The following SULT2A1 variants were observed in gnomAD, a reference collection of about 807,000 sequenced individuals.
The protein encoded by SULT2A1 is sulfotransferase 2A1.
In SULT2A1, 43 loss-of-function variants were observed where a neutral mutation model predicts 33.9. That is an observed-to-expected ratio of 1.27 (90% CI 1.00 to 1.64). The LOEUF (loss-of-function observed/expected upper bound fraction) is 1.64. Ranked by LOEUF, SULT2A1 falls within the 40% of genes most tolerant of loss-of-function variation. SULT2A1 has a pLI of 0.00. For synonymous variants in SULT2A1, 125 were observed against 113.6 expected (o/e 1.10, Z -0.64); for missense variants, 300 against 335.1 (o/e 0.90, Z 0.82).
In SULT2A1 at chr19:47,879,644, C is replaced by T. The variant is rs534463799; in HGVS notation, c.473-514G>A. Among the ~76,000 whole-genome samples, 22 of 152,032 alleles carry T rather than the reference C, an allele frequency of 1.4e-4. 1 individual carries two copies. Among genetic ancestry groups the T allele is most frequent in the Admixed American group, 4.6e-4 (7 of 15,244 alleles). On this transcript the variant is annotated intron_variant, in intron 3 of 5. Transcript: ENST00000222002. ...ATCCTTTGTAGGGACATGGATGAAG[C>T]GGGAAACCATCATTCTGAGCAAACT...
At chr19:47,875,629 C>A (rs1254722569) in intron 4 of SULT2A1, among the ~76,000 whole-genome samples, 1 of 152,004 alleles carries the variant, frequency 6.6e-6, no homozygotes, top group Admixed American at 6.6e-5. Context: ...TGGAGTGAGA[C>A]CCTGTCTCAA....
In SULT2A1 at chr19:47,886,137, T is replaced by C. The variant is rs762746830; in HGVS notation, c.121A>G (p.Thr41Ala). The change falls in exon 1 of 6, where the codon ACT (threonine) becomes GCT (alanine). Residue 41 changes from threonine (T) to alanine (A), a missense_variant. Physicochemically the swap from Thr to Ala is moderately conservative, Grantham distance 58. Coordinates refer to ENST00000222002, the MANE Select transcript of SULT2A1 (RefSeq NM_003167.4). ...GCCTCCTTACCTGATTTGGGGTAAG[T>C]CAATATTATTACATCTTCATCCCTT... Reference protein sequence around the residue: ...VIRDEDVIILTYPKSGTNWLA... With the variant: ...VIRDEDVIILAYPKSGTNWLA... The C allele has an allele frequency of 6.2e-7, 1 of 1,614,030 alleles. No homozygotes were observed. The highest frequency in any genetic ancestry group is 1.7e-5 in the Admixed American group (1 of 59,992).
intron 2 of SULT2A1, among the ~76,000 whole-genome samples, chr19:47,882,713 G>A (rs1050883926): frequency 2.6e-5 from 4 of 151,734 alleles, no homozygotes; most frequent in Middle Eastern, 3.2e-3. Context: ...TCAGGAGTTC[G>A]AGACCAGCCT....
chr19:47,871,850 T>A (rs920586598), intron 5 of SULT2A1, among the ~76,000 whole-genome samples: 3 of 152,182 alleles, frequency 2.0e-5, no homozygotes, highest in Non-Finnish European at 4.4e-5. Context: ...TTCTACCACG[T>A]TGACTCAAGC....
At chr19:47,877,474 A>G (rs1162671700) in intron 4 of SULT2A1, among the ~76,000 whole-genome samples, 2 of 151,738 alleles carry the variant, frequency 1.3e-5, no homozygotes, top group African/African-American at 4.8e-5. Flanking sequence ...TCCTGACCTC[A>G]AGTGATCCCC....
At chr19:47,885,276 A>C (rs1035909475) in intron 1 of SULT2A1, among the ~76,000 whole-genome samples, 2 of 152,182 alleles carry the variant, frequency 1.3e-5, no homozygotes, top group African/African-American at 4.8e-5. Context: ...GGCAGCCGCC[A>C]GTGTACTTTC....
intron 2 of SULT2A1, 51 bp from the exon 3 acceptor site, chr19:47,882,261 CT>C (rs2076326290): frequency 6.4e-7 from 1 of 1,569,606 alleles, no homozygotes; most frequent in Non-Finnish European, 8.6e-7. Flanking sequence ...AATCCTCACT[CT>C]TTTTGATCTT....
At chr19:47,879,225 A>G in intron 3 of SULT2A1, 95 bp from the exon 4 acceptor site, 2 of 744,000 alleles carry the variant, frequency 2.7e-6, no homozygotes, top group South Asian at 3.0e-5. Context: ...TTGTTAACGT[A>G]TGATTGACAA....
At chr19:47,874,160 C>G (rs760934999) in intron 5 of SULT2A1, among the ~76,000 whole-genome samples, 3 of 152,140 alleles carry the variant, frequency 2.0e-5, no homozygotes, top group Non-Finnish European at 2.9e-5. Flanking sequence ...CCAATTTTCC[C>G]CACCCACCTA....
chr19:47,878,661 C>T (rs1459098336), intron 4 of SULT2A1, among the ~76,000 whole-genome samples: 10 of 151,686 alleles, frequency 6.6e-5, no homozygotes, highest in East Asian at 1.9e-4. Context: ...GGATTACAGG[C>T]GCTCGCCACT....
intron 3 of SULT2A1, 37 bp from the exon 4 acceptor site, chr19:47,879,167 T>G (rs1350456549): frequency 7.9e-7 from 1 of 1,258,202 alleles, no homozygotes; most frequent in Non-Finnish European, 1.2e-6. Context: ...AGGTTACAAA[T>G]TTTATGAGAG....
At position 47,871,280 on chromosome 19, in the gene SULT2A1, G is replaced by A. The variant is rs959584245; in HGVS notation, c.*175C>T. ...GCTGGGATTACAGGCATGAACCACC[G>A]TGCCTGGCCAACCCTGGTAACTTTT... On this transcript the variant is annotated 3_prime_UTR_variant, in exon 6 of 6. Transcript: ENST00000222002. The A allele has an allele frequency of 2.0e-5, 12 of 588,780 alleles. No homozygotes were observed. The highest frequency in any genetic ancestry group is 2.1e-5 in the Non-Finnish European group (7 of 333,786). 36.5% of individuals were successfully genotyped at this position (588,780 alleles called of 1,614,324 possible).
chr19:47,883,522 C>T, intron 2 of SULT2A1, 55 bp downstream of exon 2: 2 of 1,525,572 alleles, frequency 1.3e-6, no homozygotes, highest in Non-Finnish European at 1.8e-6. Context: ...GACTTATAGG[C>T]ATATCAGTGT....
chr19:47,886,201 T>C lies in SULT2A1; in HGVS notation c.57A>G (p.Arg19=). Residue 19 remains arginine (R), a synonymous_variant, in exon 1 of 6, where the codon AGA becomes AGG. Transcript: ENST00000222002. The part of the protein sequence containing the change: ...EGIAFPTMGF[R]SETLRKVRDE... Reference sequence around the variant, plus strand: ...CACGTACTTTTCTTAAGGTTTCGGATCTGAAACCCATAGTAGGGAAAGCTA... The same window carrying C: ...CACGTACTTTTCTTAAGGTTTCGGACCTGAAACCCATAGTAGGGAAAGCTA... The C allele has an allele frequency of 6.2e-7, 1 of 1,614,154 alleles. No individual in the cohort carries two copies. Among genetic ancestry groups the C allele is most frequent in the Non-Finnish European group, 8.5e-7 (1 of 1,180,036 alleles).
At chr19:47,872,420 C>T (rs990286559) in intron 5 of SULT2A1, among the ~76,000 whole-genome samples, 1 of 152,116 alleles carries the variant, frequency 6.6e-6, no homozygotes, top group African/African-American at 2.4e-5. Flanking sequence ...CTACCCTCTC[C>T]GTCACTCTAC....
chr19:47,879,864 A>C (rs1968585116), intron 3 of SULT2A1, among the ~76,000 whole-genome samples: 1 of 151,748 alleles, frequency 6.6e-6, no homozygotes, highest in Non-Finnish European at 1.5e-5. Flanking sequence ...CCAACATAGC[A>C]CATGTATACA....
rs1197393920 is a variant in SULT2A1, at chr19:47,874,643, G to A, written c.745+14C>T. On this transcript the variant is annotated intron_variant, in intron 5 of 5. Transcript: ENST00000222002. ...TATTCTGGTATATTTGGAAACCAGA[G>A]GATTTTCTTTTACCTTTTCTCAGAA... is the stretch of plus-strand genomic sequence containing the variant. The A allele has an allele frequency of 2.5e-6, 4 of 1,609,540 alleles. No individual in the cohort carries two copies. Among genetic ancestry groups the A allele is most frequent in the Admixed American group, 1.7e-5 (1 of 59,340 alleles).
At chr19:47,878,492 A>G (rs1968569379) in intron 4 of SULT2A1, among the ~76,000 whole-genome samples, 1 of 145,004 alleles carries the variant, frequency 6.9e-6, no homozygotes, top group Non-Finnish European at 1.5e-5. Context: ...CCGGTGCCAA[A>G]AAACCTCTCT....
At chr19:47,878,612 G>T (rs1358593528) in intron 4 of SULT2A1, among the ~76,000 whole-genome samples, 1 of 149,438 alleles carries the variant, frequency 6.7e-6, no homozygotes, top group Non-Finnish European at 1.5e-5. Flanking sequence ...CACCTCCCAG[G>T]TTCAAGCGAT....
Sources: gnomAD v4.1 joint callset for allele counts (sites outside exome capture counted in the v4.1 genomes callset) on GRCh38, gnomAD v4.1.1 for gene constraint, MANE v1.5 for transcripts, NCBI Gene and HGNC (gene_info 2026-07-23, HGNC 2026-07-21) for gene names.